TPGS2: variants seen among roughly 807,000 people sequenced by gnomAD.
The protein encoded by TPGS2 is polyglutamylase subunit 2.
TPGS2 carries 26 observed loss-of-function variants against 31.1 expected under a neutral mutation model. The ratio of observed to expected loss-of-function variants is 0.84; its 90% CI spans 0.61 to 1.16. TPGS2 has a LOEUF of 1.16. Ranked by LOEUF, TPGS2 falls within the 50% of genes most tolerant of loss-of-function variation. TPGS2 has a pLI of 0.00. For synonymous variants in TPGS2, 130 were observed against 136.6 expected (o/e 0.95, Z 0.34); for missense variants, 351 against 363.8 (o/e 0.96, Z 0.29).
downstream of TPGS2, among the ~76,000 whole-genome samples, chr18:36,782,075 GATA>G (rs1373078824): frequency 1.3e-5 from 2 of 152,194 alleles, no homozygotes; most frequent in Non-Finnish European, 2.9e-5. Flanking sequence ...TATGACATGA[GATA>G]ATGATGCACA....
At chr18:36,825,583 A>G (rs2046100534) in intron 1 of TPGS2, among the ~76,000 whole-genome samples, 1 of 152,228 alleles carries the variant, frequency 6.6e-6, no homozygotes, top group South Asian at 2.1e-4. Flanking sequence ...TTGTATTAAA[A>G]TACACATAAC....
downstream of TPGS2, among the ~76,000 whole-genome samples, chr18:36,792,172 ACT>A (rs1248583627): frequency 2.6e-5 from 4 of 152,152 alleles, no homozygotes; most frequent in African/African-American, 9.7e-5. Flanking sequence ...GCTACCAGGG[ACT>A]CTCTGAATGG....
Position 36,812,690 on chromosome 18 carries a change from T to C in TPGS2, c.166-4756A>G, listed in dbSNP as rs552440918. On this transcript the variant is annotated intron_variant, in intron 2 of 6. Transcript: ENST00000334295. ...AGGGGGTCATGGGAACCCCAATTTA[T>C]AGCTGGTGGGTCAGAAGCACAGGTA... is the stretch of plus-strand genomic sequence containing the variant. 3.2e-3 allele frequency among the ~76,000 whole-genome samples: 491 copies of C among 152,324 alleles called. 2 individuals are homozygous for C. Among genetic ancestry groups the C allele is most frequent in the Non-Finnish European group, 5.8e-3 (393 of 68,030 alleles).
chr18:36,828,571 A>G (rs761897362), intron 1 of TPGS2, 112 bp downstream of exon 1: 9 of 1,156,530 alleles, frequency 7.8e-6, no homozygotes, highest in Non-Finnish European at 1.1e-5. Context: ...CCCAGCAGCG[A>G]TGTCCACTCC....
In TPGS2 at chr18:36,798,575, G is replaced by A. The variant is rs1434082135; in HGVS notation, c.531C>T (p.Asp177=). Residue 177 remains aspartate, a synonymous_variant, in exon 6 of 7, where the codon GAC becomes GAT. Coordinates refer to ENST00000334295, the MANE Select transcript of TPGS2 (RefSeq NM_015476.4). ...LAEDTEIWFL[D]RALYWHFLTD... is the part of the protein sequence containing the mutation. ...TGAGAAAATGCCAGTATAACGCTCTGTCCAGGAACCAGATCTCAGTGTCTT... is the reference window on the plus strand; with the variant it reads ...TGAGAAAATGCCAGTATAACGCTCTATCCAGGAACCAGATCTCAGTGTCTT... 6.2e-7 allele frequency: 1 copy of A among 1,614,174 alleles called. No individual in the cohort carries two copies. The highest frequency in any genetic ancestry group is 8.5e-7 in the Non-Finnish European group (1 of 1,180,028).
intron 1 of TPGS2, chr18:36,823,869 G>C: frequency 3.0e-6 from 3 of 985,272 alleles, no homozygotes; most frequent in Non-Finnish European, 3.6e-6. Context: ...CATCTTCACA[G>C]TCCTGTGGAT....
chr18:36,793,721 T>A (rs2150546879), downstream of TPGS2, among the ~76,000 whole-genome samples: 1 of 151,746 alleles, frequency 6.6e-6, no homozygotes, highest in Non-Finnish European at 1.5e-5. Context: ...CATGAGTAAA[T>A]GCTCATATTT....
At chr18:36,810,269 T>G (rs1182615286) in intron 2 of TPGS2, among the ~76,000 whole-genome samples, 1 of 152,162 alleles carries the variant, frequency 6.6e-6, no homozygotes, top group East Asian at 1.9e-4. Context: ...CAACCAAAAT[T>G]TAAATGACCA....
chr18:36,819,343 C>A (rs2045798517), intron 1 of TPGS2, among the ~76,000 whole-genome samples: 1 of 152,120 alleles, frequency 6.6e-6, no homozygotes, highest in Non-Finnish European at 1.5e-5. Flanking sequence ...GAATAGCAAC[C>A]CATTAACTTT....
intron 1 of TPGS2, among the ~76,000 whole-genome samples, chr18:36,820,737 T>C (rs2045857033): frequency 6.6e-6 from 1 of 152,382 alleles, no homozygotes; most frequent in Admixed American, 6.5e-5. Flanking sequence ...TTTTATCATG[T>C]TGTCTTAGTA....
At chr18:36,828,502 C>G (rs1022561228) in intron 1 of TPGS2, among the ~76,000 whole-genome samples, 181 bp downstream of exon 1, 3 of 152,184 alleles carry the variant, frequency 2.0e-5, no homozygotes, top group Non-Finnish European at 4.4e-5. Context: ...TCCTGGCAAA[C>G]ACTTTCAAGG....
intron 2 of TPGS2, among the ~76,000 whole-genome samples, chr18:36,809,612 A>G (rs1261630853): frequency 6.6e-6 from 1 of 152,170 alleles, no homozygotes; most frequent in African/African-American, 2.4e-5. Context: ...CTTTCAGAAG[A>G]AAAAATGCAC....
At chr18:36,802,588 C>T (rs1037655050) in intron 4 of TPGS2, among the ~76,000 whole-genome samples, 4 of 151,878 alleles carry the variant, frequency 2.6e-5, no homozygotes, top group African/African-American at 9.7e-5. Context: ...TCGTTTTGTA[C>T]TCTGTATCTA....
chr18:36,787,570 C>T (rs748630951), intron 6 of TPGS2, among the ~76,000 whole-genome samples: 5 of 152,194 alleles, frequency 3.3e-5, no homozygotes, highest in Non-Finnish European at 7.3e-5. Context: ...GGTATTTATA[C>T]AGGAAGAGCT....
intron 6 of TPGS2, chr18:36,787,195 G>A: frequency 1.8e-6 from 2 of 1,113,876 alleles, no homozygotes; most frequent in Non-Finnish European, 2.3e-6. Flanking sequence ...GTAATAGGGG[G>A]CCTTGTGTTC....
chr18:36,818,403 CAA>C (rs113255199), intron 2 of TPGS2: 17,996 of 120,642 alleles, frequency 0.15, 1,276 homozygotes, highest in Admixed American at 0.21. Flanking sequence ...GACTCTGTCT[CAA>C]AAAAAAAAAA....
intron 3 of TPGS2, 93 bp from the exon 4 acceptor site, chr18:36,805,595 T>A (rs2045082374): frequency 5.8e-6 from 9 of 1,552,944 alleles, no homozygotes; most frequent in Non-Finnish European, 7.9e-6. Flanking sequence ...TAAGCCCAGG[T>A]ATTGTTTCGC....
At chr18:36,799,722 C>A (rs1308292203) in intron 5 of TPGS2, among the ~76,000 whole-genome samples, 2 of 152,118 alleles carry the variant, frequency 1.3e-5, no homozygotes, top group African/African-American at 4.8e-5. Context: ...AGTCCCTAGG[C>A]TGGGGTCTGA....
rs150726009 is a variant in TPGS2 at position 36,802,922 on chromosome 18, G to A, written c.382+2452C>T. Among the ~76,000 whole-genome samples the A allele has an allele frequency of 7.0e-3, 1,056 of 151,802 alleles. 12 individuals carry two copies. Among genetic ancestry groups the A allele is most frequent in the African/African-American group, 0.024 (1,008 of 41,352 alleles). On this transcript the variant is annotated intron_variant, in intron 4 of 6. Transcript: ENST00000334295. ...ATTACAGGTGTGAGCTACCGCACCC[G>A]GCCCTCTTTTTTCTTGATTAAAATT... is the stretch of plus-strand genomic sequence containing the variant.
Sources: allele counts gnomAD v4.1 joint callset (sites outside exome capture counted in the v4.1 genomes callset), GRCh38; gene constraint gnomAD v4.1.1; transcripts MANE v1.5; gene names NCBI Gene and HGNC (gene_info 2026-07-23, HGNC 2026-07-21).